Variants in SPTB observed in about 807,000 individuals in gnomAD.
SPTB encodes the protein spectrin beta chain, erythrocytic.
SPTB carries 45 observed loss-of-function variants against 256.2 expected under a neutral mutation model. The observed-to-expected ratio is 0.18, with a 90% CI of 0.14 to 0.23. The LOEUF (loss-of-function observed/expected upper bound fraction) is 0.23, where lower values mean the gene tolerates loss of function less well. Among genes scored for constraint, SPTB ranks in the 10% least tolerant of loss-of-function variants. The probability of loss-of-function intolerance (pLI) is 1.00; values close to 1 mark genes in which losing one functional copy is unlikely to be tolerated. For missense variants in SPTB, 2,715 were observed against 3,040.4 expected (o/e 0.89, Z 2.52); for synonymous variants, 1,231 against 1,243.1 (o/e 0.99, Z 0.21).
chr14:64,808,013 C>T (rs375014431), intron 2 of SPTB, among the ~76,000 whole-genome samples: 7 of 152,234 alleles, frequency 4.6e-5, no homozygotes, highest in African/African-American at 1.7e-4. Context: ...TCTCATTCCT[C>T]TCTGTTCCTC....
In SPTB at chr14:64,842,149, C is replaced by T. The variant is rs146920617; in HGVS notation, c.-51-19004G>A. Among the ~76,000 whole-genome samples the T allele has an allele frequency of 2.4e-4, 37 of 152,334 alleles. No homozygotes were observed. In the East Asian group the frequency reaches 6.0e-3, roughly 25 times the overall value. On this transcript the variant is annotated intron_variant, in intron 1 of 35. Transcript: ENST00000644917. ...TGCCATTTCCAGGAAGGCGCGTGTGCGGGGCCATGGTGGTGGACACATAAG... is the reference window on the plus strand; with the variant it reads ...TGCCATTTCCAGGAAGGCGCGTGTGTGGGGCCATGGTGGTGGACACATAAG...
At chr14:64,769,875 G>T in intron 27 of SPTB, 147 bp from the exon 28 acceptor site, 1 of 1,005,964 alleles carries the variant, frequency 9.9e-7, no homozygotes, top group Non-Finnish European at 1.5e-6. Context: ...GGGGTCCTCC[G>T]CCAGCCCAGC....
chr14:64,750,320 T>A, intron 33 of SPTB, 166 bp from the exon 34 acceptor site: 1 of 780,730 alleles, frequency 1.3e-6, no homozygotes. Context: ...TACAAAAAAT[T>A]AGCTATTATT....
chr14:64,791,967 G>A (rs2082682854), intron 14 of SPTB, 111 bp from the exon 15 acceptor site: 2 of 1,436,484 alleles, frequency 1.4e-6, no homozygotes, highest in Non-Finnish European at 1.9e-6. Flanking sequence ...TCCTTCCACT[G>A]CCTAAACCAT....
chr14:64,749,610 T>A lies in SPTB; in HGVS notation c.6819+44A>T. The A allele has an allele frequency of 6.2e-7, 1 of 1,612,310 alleles. No individual in the cohort carries two copies. Among genetic ancestry groups the A allele is most frequent in the Non-Finnish European group, 8.5e-7 (1 of 1,179,762 alleles). On this transcript the variant is annotated intron_variant, in intron 35 of 35. Transcript: ENST00000644917. The surrounding 1 kb of genome is among the most constrained non-coding windows in gnomAD (Gnocchi z 4.7). ...GGCAAGCGGCCTGGGGTCCTCCACC[T>A]ACCCCCTTCTTAGCCAGGTCTGGGC...
At chr14:64,754,231 C>G in intron 32 of SPTB, 1 of 313,342 alleles carries the variant, frequency 3.2e-6, no homozygotes, top group Admixed American at 4.2e-5. Context: ...AGTTCGGCAA[C>G]CACTTATAGT....
rs2139646444 is a variant in SPTB at position 64,806,067 on chromosome 14, AC to A, written c.149-978del. The stretch of plus-strand genomic sequence containing the variant: ...TGCTGGTGGTCTGTCCAAGTTAGGC[AC>A]CAGCATTACCTGGGGAAGCTCAGAC... On this transcript the variant is annotated intron_variant, in intron 2 of 35. Transcript: ENST00000644917. The surrounding 1 kb of genome is among the most constrained non-coding windows in gnomAD (Gnocchi z 4.1). Among the ~76,000 whole-genome samples, 1 of 151,928 alleles carries A rather than the reference AC, an allele frequency of 6.6e-6. No individual in the cohort carries two copies. Among genetic ancestry groups the A allele is most frequent in the Non-Finnish European group, 1.5e-5 (1 of 67,966 alleles).
Position 64,847,133 on chromosome 14 carries a change from A to C in SPTB, c.-51-23988T>G, listed in dbSNP as rs547512401. 3.3e-5 allele frequency among the ~76,000 whole-genome samples: 5 copies of C among 152,304 alleles called. No homozygotes were observed. The East Asian group carries it at 9.6e-4, about 29-fold the overall frequency. ...AGTTGTTCACTGGCATAGAAGCCTC[A>C]AGCCCAGTCGGCTCTTGGTCCAGGA... On this transcript the variant is annotated intron_variant, in intron 1 of 35. Transcript: ENST00000644917. This position sits in a 1 kb window ranked among gnomAD's most constrained non-coding sequence, Gnocchi z 5.9.
At chr14:64,867,847 G>A (rs1179279852) in intron 1 of SPTB, among the ~76,000 whole-genome samples, 1 of 139,074 alleles carries the variant, frequency 7.2e-6, no homozygotes, top group African/African-American at 2.9e-5. Context: ...GGGCAACAGG[G>A]TGACTCTGTC....
intron 27 of SPTB, 89 bp from the exon 28 acceptor site, chr14:64,769,817 G>T (rs2082251470): frequency 5.1e-6 from 8 of 1,574,190 alleles, no homozygotes; most frequent in Non-Finnish European, 7.0e-6. Context: ...ACCTCCCCCT[G>T]CCTGTGGGAG....
intron 9 of SPTB, among the ~76,000 whole-genome samples, chr14:64,798,984 T>A (rs2082829372): frequency 6.6e-6 from 1 of 152,220 alleles, no homozygotes; most frequent in Admixed American, 6.5e-5. Context: ...CATGCATGGT[T>A]GTATATATGT....
intron 1 of SPTB, among the ~76,000 whole-genome samples, chr14:64,877,523 T>C (rs181990111): frequency 2.0e-5 from 3 of 152,344 alleles, no homozygotes; most frequent in Admixed American, 6.5e-5. Flanking sequence ...GTTTCCTTAC[T>C]TGTAAAATGT....
Position 64,779,130 on chromosome 14 carries a change from G to C in SPTB, c.4563+27C>G, listed in dbSNP as rs559738656. The stretch of plus-strand genomic sequence containing the variant: ...AGGTGGGGGTGAGGAGGGGTGGGTG[G>C]GGCTGGTGAGGTGACGCAGGACTCA... On this transcript the variant is annotated intron_variant, in intron 22 of 35. Transcript: ENST00000644917. The surrounding 1 kb of genome is among the most constrained non-coding windows in gnomAD (Gnocchi z 4.2). The C allele has an allele frequency of 5.6e-6, 9 of 1,601,648 alleles. No homozygotes were observed. Among genetic ancestry groups the C allele is most frequent in the Non-Finnish European group, 7.7e-6 (9 of 1,171,184 alleles).
chr14:64,815,900 T>A (rs1380861117), intron 2 of SPTB, among the ~76,000 whole-genome samples: 3 of 151,920 alleles, frequency 2.0e-5, no homozygotes, highest in Admixed American at 6.6e-5. Flanking sequence ...AGCAGAAGAG[T>A]GACTTGATCG....
In SPTB at chr14:64,782,501, T is replaced by C; in HGVS notation, c.4055A>G (p.Gln1352Arg). Reference sequence around the variant, plus strand: ...GAGCCGGTGCAGGGCTTCCAGCTTTTGGGACACCAGGGCTGTAAACTGGGG... The same window carrying C: ...GAGCCGGTGCAGGGCTTCCAGCTTTCGGGACACCAGGGCTGTAAACTGGGG... ...EKPQFTALVS[Q>R]KLEALHRLWD... Residue 1352 changes from glutamine (Q) to arginine (R), a missense_variant, in exon 20 of 36, where the codon CAA becomes CGA. Transcript: ENST00000644917. 1 of 1,614,130 alleles carries C rather than the reference T, an allele frequency of 6.2e-7. No individual in the cohort carries two copies. The highest frequency in any genetic ancestry group is 8.5e-7 in the Non-Finnish European group (1 of 1,180,042).
At chr14:64,782,145 T>C in intron 20 of SPTB, 145 bp downstream of exon 20, 14 of 1,191,832 alleles carry the variant, frequency 1.2e-5, no homozygotes, top group Non-Finnish European at 1.3e-5. Context: ...TAATAATATG[T>C]GCAATAAACC....
intron 1 of SPTB, among the ~76,000 whole-genome samples, chr14:64,831,884 A>G (rs1454405804): frequency 1.3e-5 from 2 of 152,194 alleles, no homozygotes; most frequent in Non-Finnish European, 2.9e-5. Flanking sequence ...TTACATAATT[A>G]AAAAATATAT....
At chr14:64,773,190 AC>A in intron 25 of SPTB, 29 bp downstream of exon 25, 1 of 1,613,982 alleles carries the variant, frequency 6.2e-7, no homozygotes, top group Non-Finnish European at 8.5e-7. Context: ...TTAGAGAAAG[AC>A]AAAAACAGCA....
At chr14:64,752,779 T>C (rs2081970295) in intron 33 of SPTB, among the ~76,000 whole-genome samples, 1 of 152,194 alleles carries the variant, frequency 6.6e-6, no homozygotes, top group Admixed American at 6.5e-5. Context: ...AGACACATCC[T>C]GCATGCTCAT....
Sources: gnomAD v4.1 joint callset for allele counts (sites outside exome capture counted in the v4.1 genomes callset) on GRCh38, gnomAD v4.1.1 for gene constraint, Gnocchi (gnomAD v3.1) non-coding constraint, MANE v1.5 for transcripts, NCBI Gene and HGNC (gene_info 2026-07-23, HGNC 2026-07-21) for gene names.